The following ZFYVE28 variants were observed in gnomAD, a reference collection of about 807,000 sequenced individuals.
The protein encoded by ZFYVE28 is lateral signaling target protein 2 homolog.
ZFYVE28 carries 40 observed loss-of-function variants against 82.1 expected under a neutral mutation model. That is an observed-to-expected ratio of 0.49 (90% CI 0.38 to 0.63). The LOEUF is 0.63. Among genes scored for constraint, ZFYVE28 ranks in the 30% least tolerant of loss-of-function variants. The pLI, the probability that ZFYVE28 is intolerant of heterozygous loss-of-function variation, is 0.00. For missense variants in ZFYVE28, 1,321 were observed against 1,242.1 expected (o/e 1.06, Z -0.96); for synonymous variants, 612 against 546.1 (o/e 1.12, Z -1.68).
intron 7 of ZFYVE28, among the ~76,000 whole-genome samples, chr4:2,307,775 G>A (rs371814599): frequency 3.9e-5 from 6 of 152,046 alleles, no homozygotes; most frequent in African/African-American, 9.6e-5. Flanking sequence ...ATTACGGCAT[G>A]AGCCACCATG....
chr4:2,388,050 T>TG (rs1032090858), intron 1 of ZFYVE28, among the ~76,000 whole-genome samples: 1 of 152,230 alleles, frequency 6.6e-6, no homozygotes, highest in African/African-American at 2.4e-5. Flanking sequence ...TCCCATGGTC[T>TG]GCAGGAACCC....
At chr4:2,382,591 G>T (rs577266764) in intron 1 of ZFYVE28, among the ~76,000 whole-genome samples, 8 of 152,132 alleles carry the variant, frequency 5.3e-5, no homozygotes, top group South Asian at 4.1e-4. Context: ...ATGGCTATAT[G>T]TACCCAATAC....
Position 2,320,029 on chromosome 4 carries a change from T to A in ZFYVE28, c.803+141A>T, listed in dbSNP as rs1718837845. ...ACCCCCATGGGTCGTTTGTGACCCC[T>A]CCCTAGGGAATATTAACCAGCCCAT... On this transcript the variant is annotated intron_variant, in intron 7 of 12. Transcript: ENST00000290974. This position sits in a 1 kb window ranked among gnomAD's most constrained non-coding sequence, Gnocchi z 5.1. 2.5e-6 allele frequency: 2 copies of A among 814,616 alleles called. No individual in the cohort carries two copies. Among genetic ancestry groups the A allele is most frequent in the Non-Finnish European group, 1.9e-6 (1 of 515,776 alleles). The allele number at this position is 814,616 out of a possible 1,614,324, so 50.5% of individuals were successfully genotyped here.
intron 8 of ZFYVE28, among the ~76,000 whole-genome samples, chr4:2,284,235 T>C (rs1712390172): frequency 6.6e-6 from 1 of 152,062 alleles, no homozygotes; most frequent in South Asian, 2.1e-4. Context: ...AATGAGACCA[T>C]TTCCCACCGT....
chr4:2,418,493 G>T lies in ZFYVE28; in HGVS notation c.-170C>A. The T allele has an allele frequency of 3.2e-6, 1 of 315,596 alleles. No individual in the cohort carries two copies. The highest frequency in any genetic ancestry group is 4.7e-6 in the Non-Finnish European group (1 of 214,474). 19.5% of individuals were successfully genotyped at this position (315,596 alleles called of 1,614,324 possible). A position where few individuals can be genotyped will look rare whatever the true frequency, so the allele number is the denominator to read the frequency against. Reference sequence around the variant, plus strand: ...CGCCGAGCGGGCGGCGGGCAGGTGCGCGGGGCAGGTGCGCGGCCCTGAGTA... The same window carrying T: ...CGCCGAGCGGGCGGCGGGCAGGTGCTCGGGGCAGGTGCGCGGCCCTGAGTA... On this transcript the variant is annotated 5_prime_UTR_variant, in exon 1 of 13. Coordinates refer to ENST00000290974, the MANE Select transcript of ZFYVE28 (RefSeq NM_020972.3). This position sits in a 1 kb window ranked among gnomAD's most constrained non-coding sequence, Gnocchi z 4.6.
chr4:2,288,609 C>A (rs1018524097), intron 8 of ZFYVE28, among the ~76,000 whole-genome samples: 1 of 152,238 alleles, frequency 6.6e-6, no homozygotes, highest in Non-Finnish European at 1.5e-5. Flanking sequence ...GAGCTGAAGG[C>A]CCTTGGGCAT....
At chr4:2,377,084 C>T (rs190703829) in intron 1 of ZFYVE28, among the ~76,000 whole-genome samples, 1,681 of 151,340 alleles carry the variant, frequency 0.011, 18 homozygotes, top group Non-Finnish European at 0.013. Flanking sequence ...TGCAGTGGCG[C>T]GATCTTGGCT....
intron 6 of ZFYVE28, among the ~76,000 whole-genome samples, chr4:2,323,095 A>G (rs1191028829): frequency 2.0e-5 from 3 of 152,214 alleles, no homozygotes; most frequent in Admixed American, 1.3e-4. Flanking sequence ...TATGGATCAT[A>G]TAATTCTATG....
rs574021846 is a variant in ZFYVE28, at chr4:2,304,848, C to T, written c.1492G>A (p.Ala498Thr). The T allele has an allele frequency of 1.9e-5, 30 of 1,612,622 alleles. 1 individual carries two copies. Among genetic ancestry groups the T allele is most frequent in the Admixed American group, 1.3e-4 (8 of 60,028 alleles). The change falls in exon 8 of 13, where the codon GCA becomes ACA. Residue 498 changes from alanine (A) to threonine (T), a missense_variant. Around this residue, in one of 2 missense-constraint regions of ZFYVE28, gnomAD observed 978 missense variants for 833.7 expected, o/e 1.17. Coordinates refer to ENST00000290974, the MANE Select transcript of ZFYVE28 (RefSeq NM_020972.3). ...TGGGCGATCATCTCAGCCGTCTCTG[C>T]GTCATCCGCACCCACCTCCCAGCCG... ...LDGWEVGADD[A>T]ETAEMIAHRT...
At chr4:2,390,938 C>T (rs1051756183) in intron 1 of ZFYVE28, among the ~76,000 whole-genome samples, 12 of 152,212 alleles carry the variant, frequency 7.9e-5, no homozygotes, top group Admixed American at 6.5e-5. Context: ...GATTCTTTCC[C>T]ACTACTCAGA....
In ZFYVE28 at chr4:2,339,751, C is replaced by T. The variant is rs914164287; in HGVS notation, c.319-96G>A. ...AACCTGACTGCGCACCTCGGGGCCCCTCTTCTCACCCCACAGCACAGGCCA... is the reference window on the plus strand; with the variant it reads ...AACCTGACTGCGCACCTCGGGGCCCTTCTTCTCACCCCACAGCACAGGCCA... On this transcript the variant is annotated intron_variant, in intron 3 of 12. Transcript: ENST00000290974. The surrounding 1 kb of genome is among the most constrained non-coding windows in gnomAD (Gnocchi z 5.0). 1.5e-5 allele frequency: 17 copies of T among 1,110,488 alleles called. No individual in the cohort carries two copies. The African/African-American group carries it at 1.6e-4, about 10-fold the overall frequency. The allele number at this position is 1,110,488 out of a possible 1,614,324, so 68.8% of individuals were successfully genotyped here.
rs1416372345 is a variant in ZFYVE28, at chr4:2,305,164, T to C, written c.1176A>G (p.Ser392=). 4.4e-6 allele frequency: 7 copies of C among 1,591,896 alleles called. 1 individual carries two copies. The Admixed American group carries it at 1.2e-4, about 27-fold the overall frequency. Residue 392 remains serine, a synonymous_variant, in exon 8 of 13, where the codon TCA becomes TCG. Coordinates refer to ENST00000290974, the MANE Select transcript of ZFYVE28 (RefSeq NM_020972.3). The stretch of plus-strand genomic sequence containing the variant: ...ACACGCGCTCCTCCTCGTCACTGCC[T>C]GACCGCAGGCGCGGTCTACCTGGAG... ...EASPGRPRLR[S]GSDEEERVFF...
chr4:2,335,843 G>T lies in ZFYVE28; in HGVS notation c.612-49C>A. 6.7e-7 allele frequency: 1 copy of T among 1,494,904 alleles called. No homozygotes were observed. The highest frequency in any genetic ancestry group is 9.1e-7 in the Non-Finnish European group (1 of 1,097,786). 92.6% of individuals were successfully genotyped at this position (1,494,904 alleles called of 1,614,324 possible). A position where few individuals can be genotyped will look rare whatever the true frequency, so the allele number is the denominator to read the frequency against. ...GCAGCATGAGGGCTGGCCCACCACA[G>T]CCACAGGTTGGACCCCAGCAGGGAC... is the stretch of plus-strand genomic sequence containing the variant. On this transcript the variant is annotated intron_variant, in intron 5 of 12. Coordinates refer to ENST00000290974, the MANE Select transcript of ZFYVE28 (RefSeq NM_020972.3). The surrounding 1 kb of genome is among the most constrained non-coding windows in gnomAD (Gnocchi z 5.8).
intron 1 of ZFYVE28, among the ~76,000 whole-genome samples, chr4:2,390,018 A>T (rs1729666145): frequency 6.6e-6 from 1 of 152,208 alleles, no homozygotes; most frequent in South Asian, 2.1e-4. Context: ...TCTACCTGGA[A>T]CTTGTGAATG....
intron 9 of ZFYVE28, among the ~76,000 whole-genome samples, chr4:2,273,505 G>A (rs112995925): frequency 2.3e-4 from 35 of 152,250 alleles, no homozygotes; most frequent in Admixed American, 1.1e-3. Flanking sequence ...GAAGGGAGAC[G>A]ACCAGACAGA....
intron 1 of ZFYVE28, among the ~76,000 whole-genome samples, chr4:2,383,867 G>A (rs1044639861): frequency 2.6e-5 from 4 of 152,102 alleles, no homozygotes; most frequent in Non-Finnish European, 5.9e-5. Context: ...ACAGACACTC[G>A]CTCTCCAGGA....
chr4:2,296,202 C>T (rs1281144986), intron 8 of ZFYVE28, among the ~76,000 whole-genome samples: 1 of 152,310 alleles, frequency 6.6e-6, no homozygotes, highest in Middle Eastern at 3.4e-3. Flanking sequence ...GCACCTCCTC[C>T]CAGGACTTTG....
At chr4:2,305,687 G>A (rs186498900) in intron 7 of ZFYVE28, 151 bp from the exon 8 acceptor site, 54 of 972,090 alleles carry the variant, frequency 5.6e-5, no homozygotes, top group African/African-American at 2.1e-4. Context: ...GCACCAGCAC[G>A]TCTCCTCCAC....
chr4:2,350,425 C>G (rs1209382673), intron 2 of ZFYVE28, among the ~76,000 whole-genome samples: 1 of 151,608 alleles, frequency 6.6e-6, no homozygotes. Flanking sequence ...GATCGCGCCA[C>G]TGCACTCCAG....
Sources: allele counts gnomAD v4.1 joint callset (sites outside exome capture counted in the v4.1 genomes callset), GRCh38; gene constraint gnomAD v4.1.1; regional missense constraint gnomAD v4.1.1; non-coding constraint Gnocchi (gnomAD v3.1); transcripts MANE v1.5; gene names NCBI Gene and HGNC (gene_info 2026-07-23, HGNC 2026-07-21).